Variants in UBE2B observed in about 807,000 individuals in gnomAD.
The protein encoded by UBE2B is ubiquitin-conjugating enzyme E2 B.
UBE2B carries 11 observed loss-of-function variants against 24.6 expected under a neutral mutation model. The ratio of observed to expected loss-of-function variants is 0.45; its 90% CI spans 0.28 to 0.74. The LOEUF (loss-of-function observed/expected upper bound fraction) is 0.74. Ranked by LOEUF, UBE2B falls within the 30% of genes least tolerant of loss-of-function variation. The probability of loss-of-function intolerance (pLI) is 0.13; values close to 1 mark genes in which losing one functional copy is unlikely to be tolerated. For missense variants in UBE2B, 78 were observed against 185.6 expected, an observed-to-expected ratio of 0.42 and a Z score of 3.37; for synonymous variants, 68 against 62.4, an observed-to-expected ratio of 1.09 and a Z score of -0.42.
At chr5:134,378,623 A>G (rs1266589604) in intron 3 of UBE2B, among the ~76,000 whole-genome samples, 1 of 152,200 alleles carries the variant, frequency 6.6e-6, no homozygotes, top group African/African-American at 2.4e-5. Flanking sequence ...TGCATGTCAT[A>G]GTATGATAGT....
Position 134,391,518 on chromosome 5 carries a change from A to G in UBE2B, c.*1165A>G, listed in dbSNP as rs1041139079. On this transcript the variant is annotated 3_prime_UTR_variant, in exon 6 of 6. Transcript: ENST00000265339. ...ATAGAAAATGGAAAATATACAAGTA[A>G]ATTCTGTTGAACCACCTGTGTAGTC... is the stretch of plus-strand genomic sequence containing the variant. 2 of 152,646 alleles carry G rather than the reference A, an allele frequency of 1.3e-5. No homozygotes were observed. The highest frequency in any genetic ancestry group is 2.9e-5 in the Non-Finnish European group (2 of 68,040). The allele number at this position is 152,646 out of a possible 1,614,324, so 9.5% of individuals were successfully genotyped here.
intron 2 of UBE2B, 109 bp downstream of exon 2, chr5:134,374,572 G>A (rs1758567419): frequency 8.4e-7 from 1 of 1,196,596 alleles, no homozygotes; most frequent in Non-Finnish European, 1.2e-6. Context: ...GAGATCTTAA[G>A]GACTAAAACT....
chr5:134,376,366 C>T (rs10477761), intron 2 of UBE2B, among the ~76,000 whole-genome samples: 92 of 30,462 alleles, frequency 3.0e-3, no homozygotes, highest in Middle Eastern at 0.024. Flanking sequence ...TATATATATA[C>T]ACATATGTAC....
At chr5:134,373,273 A>C (rs1453270513) in intron 1 of UBE2B, among the ~76,000 whole-genome samples, 1 of 151,136 alleles carries the variant, frequency 6.6e-6, no homozygotes, top group African/African-American at 2.4e-5. Context: ...GTTAAATTTA[A>C]TGTGTTTTCA....
intron 4 of UBE2B, among the ~76,000 whole-genome samples, chr5:134,386,529 G>C (rs2014662111): frequency 6.6e-6 from 1 of 152,084 alleles, no homozygotes; most frequent in African/African-American, 2.4e-5. Flanking sequence ...CTACGTGGGA[G>C]GCTGAGGCAG....
intron 3 of UBE2B, among the ~76,000 whole-genome samples, chr5:134,377,561 T>C (rs1758629620): frequency 6.6e-6 from 1 of 152,186 alleles, no homozygotes; most frequent in Non-Finnish European, 1.5e-5. Context: ...CATATATGCA[T>C]GTGTGTCTAT....
intron 2 of UBE2B, among the ~76,000 whole-genome samples, chr5:134,375,013 T>C (rs1480070196): frequency 2.0e-5 from 3 of 152,214 alleles, no homozygotes; most frequent in African/African-American, 7.2e-5. Context: ...TTATTACATA[T>C]GGTTTTATAA....
At chr5:134,372,344 C>A (rs990019737) in intron 1 of UBE2B, among the ~76,000 whole-genome samples, 4 of 152,184 alleles carry the variant, frequency 2.6e-5, no homozygotes, top group African/African-American at 9.6e-5. Context: ...AATGCCTTCC[C>A]TTAGACTGGC....
At position 134,377,649 on chromosome 5, in the gene UBE2B, C is replaced by T. The variant is rs186041271; in HGVS notation, c.151+955C>T. 1.1e-4 allele frequency among the ~76,000 whole-genome samples: 17 copies of T among 152,020 alleles called. No individual in the cohort carries two copies. The East Asian group carries it at 3.3e-3, about 29-fold the overall frequency. ...AGGAGTTGAAGGAGGTACTTAAGGA[C>T]GTTACCTTTTTTCTCTACATCAAGG... On this transcript the variant is annotated intron_variant, in intron 3 of 5. Coordinates refer to ENST00000265339, the MANE Select transcript of UBE2B (RefSeq NM_003337.4).
chr5:134,382,980 C>T (rs1000756946), intron 4 of UBE2B, among the ~76,000 whole-genome samples: 5 of 151,890 alleles, frequency 3.3e-5, no homozygotes, highest in South Asian at 4.2e-4. Context: ...TCCTGGTCAA[C>T]GTGGTGAAAC....
At chr5:134,387,922 C>G (rs1177780295) in intron 4 of UBE2B, among the ~76,000 whole-genome samples, 1 of 152,150 alleles carries the variant, frequency 6.6e-6, no homozygotes, top group Non-Finnish European at 1.5e-5. Flanking sequence ...CCTGCCTCAG[C>G]CTTCCAAGTA....
At chr5:134,386,269 AG>A (rs1758799345) in intron 4 of UBE2B, among the ~76,000 whole-genome samples, 1 of 151,466 alleles carries the variant, frequency 6.6e-6, no homozygotes, top group African/African-American at 2.4e-5. Context: ...TGGAGGTTGC[AG>A]TGAGCCGAGT....
chr5:134,377,946 C>T (rs998564604), intron 3 of UBE2B, among the ~76,000 whole-genome samples: 2 of 152,196 alleles, frequency 1.3e-5, no homozygotes, highest in African/African-American at 2.4e-5. Flanking sequence ...GTATAGCCAG[C>T]ACTTTGGGAG....
At chr5:134,377,089 T>G (rs143523641) in intron 3 of UBE2B, among the ~76,000 whole-genome samples, 227 of 152,310 alleles carry the variant, frequency 1.5e-3, no homozygotes, top group African/African-American at 5.2e-3. Flanking sequence ...TAGCTGCCAG[T>G]AGTTTCAAGT....
At chr5:134,383,120 G>A (rs1321773180) in intron 4 of UBE2B, among the ~76,000 whole-genome samples, 1 of 152,008 alleles carries the variant, frequency 6.6e-6, no homozygotes, top group Non-Finnish European at 1.5e-5. Flanking sequence ...AGCCAAGATC[G>A]CGCCACTGCA....
chr5:134,374,247 C>A, intron 1 of UBE2B, 136 bp from the exon 2 acceptor site: 2 of 778,246 alleles, frequency 2.6e-6, no homozygotes, highest in Non-Finnish European at 4.4e-6. Flanking sequence ...TCATATGGTT[C>A]ATTTTAGTTC....
At chr5:134,379,443 C>G (rs1210659687) in intron 3 of UBE2B, among the ~76,000 whole-genome samples, 1 of 151,922 alleles carries the variant, frequency 6.6e-6, no homozygotes, top group African/African-American at 2.4e-5. Context: ...GTCAGGAGTT[C>G]AAGACCAGCC....
intron 5 of UBE2B, among the ~76,000 whole-genome samples, chr5:134,389,642 G>A (rs943887638): frequency 6.7e-5 from 10 of 150,244 alleles, no homozygotes; most frequent in African/African-American, 2.0e-4. Flanking sequence ...TCTGCCTCCC[G>A]GGTTCAAGCA....
chr5:134,386,256 A>G (rs1294071511), intron 4 of UBE2B, among the ~76,000 whole-genome samples: 7 of 150,984 alleles, frequency 4.6e-5, no homozygotes, highest in Non-Finnish European at 1.5e-5. Flanking sequence ...TGAACCCAGG[A>G]GGTGGAGGTT....
Sources: allele counts gnomAD v4.1 joint callset (sites outside exome capture counted in the v4.1 genomes callset), GRCh38; gene constraint gnomAD v4.1.1; transcripts MANE v1.5; gene names NCBI Gene and HGNC (gene_info 2026-07-23, HGNC 2026-07-21).